SMAD1: variants seen among roughly 807,000 people sequenced by gnomAD.
SMAD1 encodes MAD, mothers against decapentaplegic homolog 1.
Under a neutral mutation model 41.6 loss-of-function variants are expected in SMAD1, and 6 were observed. That is an observed-to-expected ratio of 0.14 (90% CI 0.08 to 0.28). The LOEUF (loss-of-function observed/expected upper bound fraction) is 0.28, where lower values mean the gene tolerates loss of function less well. Ranked by LOEUF, SMAD1 falls within the 10% of genes least tolerant of loss-of-function variation. SMAD1 has a pLI of 1.00. For synonymous variants in SMAD1, 206 were observed against 203.2 expected, an observed-to-expected ratio of 1.01 and a Z score of -0.12; for missense variants, 379 against 582.6, an observed-to-expected ratio of 0.65 and a Z score of 3.60.
rs11100885 is a variant in SMAD1, at chr4:145,557,513, C to G, written c.1255-278C>G. On this transcript the variant is annotated intron_variant, in intron 6 of 6. Transcript: ENST00000302085. ...TTTTAAAGTGTCTTTATTAAGATAA[C>G]TTTATAATGTATTTTAAAACCTTCA... Among the ~76,000 whole-genome samples, 7,530 of 152,180 alleles carry G rather than the reference C, an allele frequency of 0.049. 233 individuals carry two copies. The highest frequency in any genetic ancestry group is 0.072 in the South Asian group (346 of 4,822).
chr4:145,486,876 G>C (rs935598140), intron 1 of SMAD1, among the ~76,000 whole-genome samples: 7 of 152,142 alleles, frequency 4.6e-5, no homozygotes, highest in Non-Finnish European at 1.0e-4. Context: ...GGCATTAAGT[G>C]CCCTTTTGTT....
At chr4:145,503,302 C>T (rs1338561995) in intron 1 of SMAD1, among the ~76,000 whole-genome samples, 1 of 151,948 alleles carries the variant, frequency 6.6e-6, no homozygotes, top group Non-Finnish European at 1.5e-5. Flanking sequence ...TGTGGGTCTC[C>T]GTATGGCTTT....
chr4:145,528,949 G>A (rs114498562), intron 2 of SMAD1, among the ~76,000 whole-genome samples: 1,933 of 152,308 alleles, frequency 0.013, 38 homozygotes, highest in African/African-American at 0.044. Context: ...TAGAGGTAAT[G>A]TAGTACCTAG....
intron 1 of SMAD1, among the ~76,000 whole-genome samples, chr4:145,489,955 T>G (rs1042489605): frequency 6.6e-6 from 1 of 151,618 alleles, no homozygotes; most frequent in Non-Finnish European, 1.5e-5. Context: ...GTCAGAGGAG[T>G]GGGAAAACCA....
rs1266428811 is a variant in SMAD1 at position 145,514,782 on chromosome 4, T to A, written c.169T>A (p.Cys57Ser). 6.2e-7 allele frequency: 1 copy of A among 1,614,136 alleles called. No homozygotes were observed. Among genetic ancestry groups the A allele is most frequent in the Non-Finnish European group, 8.5e-7 (1 of 1,180,014 alleles). ...AMEELEKALS[C>S]PGQPSNCVTI... ...GGAGGAACTGGAAAAGGCCTTGAGC[T>A]GCCCAGGGCAACCGAGTAACTGTGT... Residue 57 changes from cysteine to serine, a missense_variant, in exon 2 of 7, where the codon TGC (cysteine) becomes AGC (serine). Cys to Ser is a moderately radical substitution (Grantham distance 112). Transcript: ENST00000302085. The surrounding 1 kb of genome is among the most constrained non-coding windows in gnomAD (Gnocchi z 4.7).
At position 145,515,174 on chromosome 4, in the gene SMAD1, G is replaced by GTC. The variant is rs1553945869; in HGVS notation, c.400+162_400+163insCT. Among the ~76,000 whole-genome samples, 752 of 150,172 alleles carry GTC rather than the reference G, an allele frequency of 5.0e-3. 8 individuals carry two copies. The highest frequency in any genetic ancestry group is 0.017 in the African/African-American group (701 of 40,238). ...TGTGTGTGTGTGTGTGTGTGTGTGT[G>GTC]TGTCTGTGTGAATGCAAGAGAGAAA... is the stretch of plus-strand genomic sequence containing the variant. On this transcript the variant is annotated intron_variant, in intron 2 of 6. Transcript: ENST00000302085.
intron 1 of SMAD1, chr4:145,503,050 C>T (rs1037547139): frequency 7.2e-5 from 11 of 152,186 alleles, no homozygotes; most frequent in African/African-American, 2.4e-4. Flanking sequence ...ACGAACTGAA[C>T]CTCTCTCCTA....
At chr4:145,506,440 G>C (rs563760984) in intron 1 of SMAD1, among the ~76,000 whole-genome samples, 155 of 152,130 alleles carry the variant, frequency 1.0e-3, no homozygotes, top group Non-Finnish European at 1.5e-3. Flanking sequence ...ACTTTTTGTA[G>C]CCTGTATTTT....
At chr4:145,542,446 G>A (rs1258593535) in intron 3 of SMAD1, 136 bp from the exon 4 acceptor site, 7 of 556,632 alleles carry the variant, frequency 1.3e-5, no homozygotes, top group East Asian at 3.0e-5. Flanking sequence ...GGCAGTGCCT[G>A]TAGCCTTTAG....
intron 1 of SMAD1, among the ~76,000 whole-genome samples, chr4:145,512,437 C>G (rs1229546571): frequency 6.6e-6 from 1 of 152,030 alleles, no homozygotes. Context: ...CATTTTTTCC[C>G]TCTCTTTGCA....
intron 1 of SMAD1, among the ~76,000 whole-genome samples, chr4:145,507,076 A>G (rs567971726): frequency 2.2e-4 from 34 of 152,014 alleles, no homozygotes; most frequent in African/African-American, 8.2e-4. Context: ...AAACTACATT[A>G]TATTTTTTTT....
At chr4:145,550,185 G>A (rs1291097803) in intron 5 of SMAD1, among the ~76,000 whole-genome samples, 2 of 152,124 alleles carry the variant, frequency 1.3e-5, no homozygotes, top group African/African-American at 4.8e-5. Context: ...GTATTCTCGG[G>A]ATAGATTCTT....
chr4:145,556,403 T>C (rs1022244864), intron 6 of SMAD1, among the ~76,000 whole-genome samples: 3 of 152,174 alleles, frequency 2.0e-5, no homozygotes, highest in Admixed American at 2.0e-4. Context: ...TATATATATC[T>C]ACATAGATGT....
At chr4:145,486,778 A>G (rs1279230650) in intron 1 of SMAD1, among the ~76,000 whole-genome samples, 1 of 152,228 alleles carries the variant, frequency 6.6e-6, no homozygotes, top group African/African-American at 2.4e-5. Context: ...ATCAAGGTGA[A>G]CAGTCTGAAG....
chr4:145,553,632 G>T, intron 5 of SMAD1, 152 bp from the exon 6 acceptor site: 1 of 686,294 alleles, frequency 1.5e-6, no homozygotes. Flanking sequence ...CCGGGGGTTG[G>T]GAACTCCTGT....
chr4:145,500,701 A>G (rs1008741184), intron 1 of SMAD1, among the ~76,000 whole-genome samples: 5 of 152,152 alleles, frequency 3.3e-5, no homozygotes, highest in Non-Finnish European at 7.3e-5. Flanking sequence ...TGAATTGAAT[A>G]ACTGTAGTGG....
At chr4:145,532,263 A>C (rs989877126) in intron 2 of SMAD1, among the ~76,000 whole-genome samples, 1 of 152,278 alleles carries the variant, frequency 6.6e-6, no homozygotes, top group Non-Finnish European at 1.5e-5. Flanking sequence ...CAGTTTGAAA[A>C]GCAGAGTTAA....
chr4:145,506,836 A>G (rs1050992783), intron 1 of SMAD1, among the ~76,000 whole-genome samples: 8 of 152,210 alleles, frequency 5.3e-5, no homozygotes, highest in Admixed American at 1.3e-4. Flanking sequence ...TTGTTCTGCA[A>G]TTGGCTGATT....
Position 145,482,359 on chromosome 4 carries a change from C to G in SMAD1, c.-177+321C>G, listed in dbSNP as rs1334001346. On this transcript the variant is annotated intron_variant, in intron 1 of 6. Coordinates refer to ENST00000302085, the MANE Select transcript of SMAD1 (RefSeq NM_005900.3). The surrounding 1 kb of genome is among the most constrained non-coding windows in gnomAD (Gnocchi z 4.2). ...GCTGTGGGAAGCCCAGTTCCCGGGC[C>G]CCCGAGCCTCGGCTCCCGGGCCTGA... 1 of 152,132 alleles carries G rather than the reference C, an allele frequency of 6.6e-6. No homozygotes were observed. Among genetic ancestry groups the G allele is most frequent in the Non-Finnish European group, 1.5e-5 (1 of 68,164 alleles). The allele number at this position is 152,132 out of a possible 1,614,324, so 9.4% of individuals were successfully genotyped here.
Sources: allele counts gnomAD v4.1 joint callset (sites outside exome capture counted in the v4.1 genomes callset), GRCh38; gene constraint gnomAD v4.1.1; non-coding constraint Gnocchi (gnomAD v3.1); transcripts MANE v1.5; gene names NCBI Gene and HGNC (gene_info 2026-07-23, HGNC 2026-07-21).